DPP10: variants seen among roughly 807,000 people sequenced by gnomAD.
DPP10 encodes the protein dipeptidyl peptidase like 10.
DPP10 carries 33 observed loss-of-function variants against 120.9 expected under a neutral mutation model. That is an observed-to-expected ratio of 0.27 (90% CI 0.21 to 0.37). The LOEUF (loss-of-function observed/expected upper bound fraction) is 0.37, where lower values mean the gene tolerates loss of function less well. DPP10 is among the 10% of genes least tolerant of loss of function. The pLI is 1.00. For synonymous variants in DPP10, 337 were observed against 326.1 expected (o/e 1.03, Z -0.36); for missense variants, 816 against 942.8 (o/e 0.87, Z 1.76).
intron 1 of DPP10, among the ~76,000 whole-genome samples, chr2:114,495,693 A>T (rs1682451717): frequency 6.6e-6 from 1 of 152,324 alleles, no homozygotes; most frequent in South Asian, 2.1e-4. Context: ...CAACAGTGAT[A>T]GGCCATTTAA....
intron 1 of DPP10, among the ~76,000 whole-genome samples, chr2:114,537,539 C>T (rs940314014): frequency 6.6e-6 from 1 of 152,074 alleles, no homozygotes; most frequent in East Asian, 1.9e-4. Context: ...AAGGAGGATC[C>T]CTTGAGATGC....
chr2:114,909,297 C>T (rs1694194917), intron 1 of DPP10, among the ~76,000 whole-genome samples: 1 of 151,890 alleles, frequency 6.6e-6, no homozygotes, highest in Non-Finnish European at 1.5e-5. Context: ...ATATGGACTA[C>T]TCCTGATGGT....
intron 7 of DPP10, among the ~76,000 whole-genome samples, chr2:115,711,302 A>T (rs1292921193): frequency 6.6e-6 from 1 of 152,142 alleles, no homozygotes; most frequent in East Asian, 1.9e-4. Context: ...TATTAGGGAC[A>T]ATTTGGTAAG....
At chr2:115,357,889 T>C (rs962123452) in intron 3 of DPP10, among the ~76,000 whole-genome samples, 6 of 152,188 alleles carry the variant, frequency 3.9e-5, no homozygotes, top group African/African-American at 1.4e-4. Context: ...TTGTATCCTC[T>C]GAAGCAACAT....
At chr2:115,508,204 A>T (rs566919886) in intron 4 of DPP10, among the ~76,000 whole-genome samples, 136 of 152,282 alleles carry the variant, frequency 8.9e-4, no homozygotes, top group African/African-American at 3.2e-3. Context: ...AATAAATAGA[A>T]CATAGACATG....
intron 1 of DPP10, among the ~76,000 whole-genome samples, chr2:114,541,193 T>A (rs1334590420): frequency 2.0e-5 from 3 of 152,206 alleles, no homozygotes; most frequent in African/African-American, 7.2e-5. Context: ...TTGTTTTAAA[T>A]GTACAGGAAT....
At chr2:115,067,632 G>C (rs2105432533) in intron 1 of DPP10, among the ~76,000 whole-genome samples, 1 of 147,850 alleles carries the variant, frequency 6.8e-6, no homozygotes, top group South Asian at 2.1e-4. Flanking sequence ...GGGAAGTCGA[G>C]GCAGGGGGAT....
intron 5 of DPP10, among the ~76,000 whole-genome samples, chr2:115,605,197 G>T (rs186929140): frequency 6.6e-6 from 1 of 152,102 alleles, no homozygotes; most frequent in African/African-American, 2.4e-5. Context: ...TTTTTGGATA[G>T]AATCAATTTT....
chr2:114,563,941 A>G (rs1429530897), intron 1 of DPP10, among the ~76,000 whole-genome samples: 8 of 152,088 alleles, frequency 5.3e-5, no homozygotes, highest in Non-Finnish European at 8.8e-5. Context: ...TTCCTCTGTC[A>G]TTTTGCTAAT....
At chr2:114,988,980 ACAC>A (rs1700596132) in intron 1 of DPP10, among the ~76,000 whole-genome samples, 1 of 152,160 alleles carries the variant, frequency 6.6e-6, no homozygotes, top group Non-Finnish European at 1.5e-5. Context: ...TACAATGAAA[ACAC>A]CAAACAGTAT....
chr2:114,450,866 A>C (rs1678229029), intron 1 of DPP10, among the ~76,000 whole-genome samples: 1 of 152,086 alleles, frequency 6.6e-6, no homozygotes, highest in Admixed American at 6.6e-5. Context: ...TGATTTCAAT[A>C]GGTAGGGCTT....
At chr2:114,957,008 A>G (rs1024809904) in intron 1 of DPP10, among the ~76,000 whole-genome samples, 3 of 151,444 alleles carry the variant, frequency 2.0e-5, no homozygotes, top group Non-Finnish European at 4.4e-5. Context: ...AAAAGAGAAA[A>G]CTGCATGATA....
intron 5 of DPP10, among the ~76,000 whole-genome samples, chr2:115,581,350 A>G (rs1300670183): frequency 6.6e-6 from 1 of 152,132 alleles, no homozygotes; most frequent in Non-Finnish European, 1.5e-5. Context: ...TTACTTCATA[A>G]TGGGACAGTA....
intron 9 of DPP10, among the ~76,000 whole-genome samples, chr2:115,742,848 T>A (rs755060434): frequency 6.6e-6 from 1 of 152,106 alleles, no homozygotes; most frequent in African/African-American, 2.4e-5. Flanking sequence ...AGCAAATACC[T>A]AATGTGGTCA....
At chr2:115,583,824 T>C (rs1470079915) in intron 5 of DPP10, among the ~76,000 whole-genome samples, 2 of 152,200 alleles carry the variant, frequency 1.3e-5, no homozygotes, top group African/African-American at 4.8e-5. Context: ...AGGATAAGCA[T>C]GCTGGTATCT....
chr2:115,030,345 A>C (rs1335670400), intron 1 of DPP10, among the ~76,000 whole-genome samples: 2 of 152,080 alleles, frequency 1.3e-5, no homozygotes, highest in East Asian at 3.9e-4. Flanking sequence ...CTTGTCCTGA[A>C]GTGGATGCTT....
intron 5 of DPP10, among the ~76,000 whole-genome samples, chr2:115,592,140 A>T (rs77949214): frequency 0.047 from 7,103 of 152,262 alleles, 314 homozygotes; most frequent in East Asian, 0.24. Context: ...AATTTATTTA[A>T]TGTGTACACG....
chr2:115,156,257 G>A (rs1275140645), intron 1 of DPP10, among the ~76,000 whole-genome samples: 2 of 152,180 alleles, frequency 1.3e-5, no homozygotes, highest in South Asian at 4.1e-4. Context: ...AGGAACCCAA[G>A]GACTTGGCCT....
chr2:115,616,428 A>G (rs2084503603), intron 5 of DPP10, among the ~76,000 whole-genome samples: 1 of 151,874 alleles, frequency 6.6e-6, no homozygotes, highest in African/African-American at 2.4e-5. Context: ...ATCCCCCAGT[A>G]TCCCTACTCT....
Sources: gnomAD v4.1 joint callset for allele counts (sites outside exome capture counted in the v4.1 genomes callset) on GRCh38, gnomAD v4.1.1 for gene constraint, MANE v1.5 for transcripts, NCBI Gene and HGNC (gene_info 2026-07-23, HGNC 2026-07-21) for gene names.